The following CNTNAP1 variants were observed in gnomAD, a reference collection of about 807,000 sequenced individuals.
The protein encoded by CNTNAP1 is contactin associated protein 1.
Under a neutral mutation model 161.5 loss-of-function variants are expected in CNTNAP1, and 80 were observed. The observed-to-expected ratio is 0.50, with a 90% CI of 0.41 to 0.60. The LOEUF (loss-of-function observed/expected upper bound fraction) is 0.60. Among genes scored for constraint, CNTNAP1 ranks in the 20% least tolerant of loss-of-function variants. The pLI is 0.00. For missense variants in CNTNAP1, 1,464 were observed against 1,854.8 expected (o/e 0.79, Z 3.87); for synonymous variants, 695 against 733.1 (o/e 0.95, Z 0.84).
In CNTNAP1 at chr17:42,686,955, A is replaced by G. The variant is rs2053024838; in HGVS notation, c.953A>G (p.His318Arg). 6.2e-7 allele frequency: 1 copy of G among 1,613,814 alleles called. No homozygotes were observed. The highest frequency in any genetic ancestry group is 1.3e-5 in the African/African-American group (1 of 74,952). Residue 318 changes from histidine to arginine, a missense_variant, in exon 7 of 24, where the codon CAT becomes CGT. His to Arg is a conservative substitution (Grantham distance 29). This residue lies in a region of CNTNAP1 where 1,383 missense variants were observed against 1,765.0 expected (regional missense o/e 0.78). Coordinates refer to ENST00000264638, the MANE Select transcript of CNTNAP1 (RefSeq NM_003632.3). ...GAARKNLAYR[H>R]NFRGCIENVI... ...GCGCGGAAGAACCTGGCCTATCGGC[A>G]TAACTTCCGCGGCTGCATAGAAAAC...
rs747095886 is a variant in CNTNAP1, at chr17:42,690,242, G to GGA, written c.1855+38_1855+39dup. 222 of 1,612,156 alleles carry GGA rather than the reference G, an allele frequency of 1.4e-4. 2 individuals are homozygous for GGA. Among genetic ancestry groups the GGA allele is most frequent in the Non-Finnish European group, 1.9e-5 (22 of 1,178,730 alleles). ...TCTGTTGGGTGGTGAGGGGGTGAGG[G>GGA]GAGAACCAGGAAGGATAGAGTGGTG... On this transcript the variant is annotated intron_variant, in intron 12 of 23. Transcript: ENST00000264638.
In CNTNAP1 at chr17:42,699,895, A is replaced by ACC. The variant is rs1255238048; in HGVS notation, c.*987_*988dup. 1.3e-5 allele frequency: 2 copies of ACC among 152,750 alleles called. No homozygotes were observed. Among genetic ancestry groups the ACC allele is most frequent in the East Asian group, 3.8e-4 (2 of 5,300 alleles). 9.5% of individuals were successfully genotyped at this position (152,750 alleles called of 1,614,324 possible). On this transcript the variant is annotated 3_prime_UTR_variant, in exon 24 of 24. Coordinates refer to ENST00000264638, the MANE Select transcript of CNTNAP1 (RefSeq NM_003632.3). Reference sequence around the variant, plus strand: ...GGAAGTGTCGTGAGTCCTGCTGGTCACCCACCAGCCTGGTCCGGCCTCCAC... The same window carrying ACC: ...GGAAGTGTCGTGAGTCCTGCTGGTCACCCCCACCAGCCTGGTCCGGCCTCCAC...
chr17:42,692,626 G>A lies in CNTNAP1; in HGVS notation c.2658G>A (p.Gln886=). 1 of 1,614,236 alleles carries A rather than the reference G, an allele frequency of 6.2e-7. No individual in the cohort carries two copies. Among genetic ancestry groups the A allele is most frequent in the Non-Finnish European group, 8.5e-7 (1 of 1,180,044 alleles). The part of the protein sequence containing the change: ...HLVRAEINVK[Q]ARLRVDHRPW... ...TCCGGGCTGAAATCAACGTGAAGCA[G>A]GCCCGGCTCCGAGTGGATCACCGGC... Residue 886 remains glutamine, a synonymous_variant, in exon 17 of 24, where the codon CAG becomes CAA. Coordinates refer to ENST00000264638, the MANE Select transcript of CNTNAP1 (RefSeq NM_003632.3).
Position 42,695,884 on chromosome 17 carries a change from C to T in CNTNAP1, c.3346+10C>T, listed in dbSNP as rs375892529. The T allele has an allele frequency of 5.5e-5, 88 of 1,606,290 alleles. No homozygotes were observed. The highest frequency in any genetic ancestry group is 6.0e-5 in the Non-Finnish European group (70 of 1,174,256). On this transcript the variant is annotated intron_variant, in intron 19 of 23. Transcript: ENST00000264638. ...CTCATCAAGGATGATGGTAAGCTCT[C>T]CCGGGCTCTCTCACCCCACTCCAGC...
intron 18 of CNTNAP1, among the ~76,000 whole-genome samples, chr17:42,693,943 C>T (rs1351268530): frequency 6.6e-6 from 1 of 152,136 alleles, no homozygotes; most frequent in Non-Finnish European, 1.5e-5. Flanking sequence ...CGGCTCACTG[C>T]AACCTCCGCC....
In CNTNAP1 at chr17:42,691,311, C is replaced by T. The variant is rs770847748; in HGVS notation, c.2216+18C>T. 1 of 1,614,066 alleles carries T rather than the reference C, an allele frequency of 6.2e-7. No homozygotes were observed. Among genetic ancestry groups the T allele is most frequent in the South Asian group, 1.1e-5 (1 of 91,078 alleles). On this transcript the variant is annotated intron_variant, in intron 14 of 23. Transcript: ENST00000264638. This position sits in a 1 kb window ranked among gnomAD's most constrained non-coding sequence, Gnocchi z 4.3. ...CCCCAGTGGTGAGGGGGCAAAGGGA[C>T]AGGGTTTTTAGGACTCCGGGAGTGG...
At chr17:42,682,997 C>T in intron 1 of CNTNAP1, 101 bp downstream of exon 1, 1 of 1,124,490 alleles carries the variant, frequency 8.9e-7, no homozygotes, top group South Asian at 1.5e-5. Flanking sequence ...CGGGTCCTTC[C>T]CGGCCGGCGC....
chr17:42,698,015 C>G, intron 23 of CNTNAP1, 65 bp downstream of exon 23: 1 of 1,574,698 alleles, frequency 6.4e-7, no homozygotes, highest in Non-Finnish European at 8.7e-7. Flanking sequence ...CATCCTTTCC[C>G]TGCCCCTGAT....
intron 18 of CNTNAP1, among the ~76,000 whole-genome samples, chr17:42,693,986 G>A (rs913103953): frequency 5.3e-5 from 8 of 149,710 alleles, no homozygotes; most frequent in Admixed American, 1.3e-4. Context: ...TCAGCCTCCC[G>A]AGTAGCTAGG....
In CNTNAP1 at chr17:42,691,809, A is replaced by T. The variant is rs2053089588; in HGVS notation, c.2348A>T (p.Asn783Ile). 4 of 1,613,618 alleles carry T rather than the reference A, an allele frequency of 2.5e-6. No individual in the cohort carries two copies. The highest frequency in any genetic ancestry group is 3.4e-6 in the Non-Finnish European group (4 of 1,179,808). The change falls in exon 16 of 24, where the codon AAT becomes ATT. Residue 783 changes from asparagine (N) to isoleucine (I), a missense_variant. Asn to Ile is a moderately radical substitution (Grantham distance 149). This residue lies in a region of CNTNAP1 where 1,383 missense variants were observed against 1,765.0 expected (regional missense o/e 0.78). Transcript: ENST00000264638. The surrounding 1 kb of genome is among the most constrained non-coding windows in gnomAD (Gnocchi z 4.3). ...LRPLRCYGDR[N>I]SWNTISFHTG... ...CTTCCTCCATCTGCTTTTCTAGGAA[A>T]TTCCTGGAACACCATTTCCTTCCAC...
intron 3 of CNTNAP1, 127 bp downstream of exon 3, chr17:42,684,356 C>T (rs6503718): frequency 3.6e-6 from 3 of 824,408 alleles, no homozygotes; most frequent in East Asian, 2.5e-5. Flanking sequence ...AGTGACTCCA[C>T]TCCAGGGACT....
rs2053106795 is a variant in CNTNAP1 at position 42,692,849 on chromosome 17, T to C, written c.2752+129T>C. The stretch of plus-strand genomic sequence containing the variant: ...CTCTGCTTCAGAGCAAGCCAGTGTC[T>C]CACTTGTCCCTCCAGGCCTTTGTAT... On this transcript the variant is annotated intron_variant, in intron 17 of 23. Coordinates refer to ENST00000264638, the MANE Select transcript of CNTNAP1 (RefSeq NM_003632.3). The C allele has an allele frequency of 5.2e-6, 4 of 767,530 alleles. No homozygotes were observed. The African/African-American group carries it at 7.0e-5, about 13-fold the overall frequency. 47.5% of individuals were successfully genotyped at this position (767,530 alleles called of 1,614,324 possible).
chr17:42,695,707 C>T lies in CNTNAP1; in HGVS notation c.3179C>T (p.Pro1060Leu). 6.2e-7 allele frequency: 1 copy of T among 1,614,172 alleles called. No homozygotes were observed. The change falls in exon 19 of 24, where the codon CCC becomes CTC. Residue 1060 changes from proline (P) to leucine (L), a missense_variant. By Grantham distance (98) the Pro-to-Leu change is moderately conservative (BLOSUM62 -3). Around this residue, in one of 3 missense-constraint regions of CNTNAP1, gnomAD observed 1,383 missense variants for 1,765.0 expected, o/e 0.78. Transcript: ENST00000264638. The part of the protein sequence containing the change: ...PGYHGPGYRL[P>L]DYPRPGRPVP... ...TACCATGGCCCCGGGTACCGCCTGC[C>T]CGACTACCCCCGGCCTGGTCGGCCT...
Position 42,687,936 on chromosome 17 carries a change from G to C in CNTNAP1, c.1261G>C (p.Val421Leu). 1 of 1,614,200 alleles carries C rather than the reference G, an allele frequency of 6.2e-7. No individual in the cohort carries two copies. Among genetic ancestry groups the C allele is most frequent in the Non-Finnish European group, 8.5e-7 (1 of 1,180,050 alleles). The stretch of plus-strand genomic sequence containing the variant: ...GACGCTCAGCGAAGGGCAGGTCAAC[G>C]TGTCCATCGCGCAGAGCGGCCGAAA... ...ELTLSEGQVN[V>L]SIAQSGRKKL... The change falls in exon 8 of 24, where the codon GTG (valine) becomes CTG (leucine). Residue 421 changes from valine (V) to leucine (L), a missense_variant. This residue lies in a region of CNTNAP1 where 1,383 missense variants were observed against 1,765.0 expected (regional missense o/e 0.78). Transcript: ENST00000264638. The surrounding 1 kb of genome is among the most constrained non-coding windows in gnomAD (Gnocchi z 4.7).
At chr17:42,688,006 A>C in intron 8 of CNTNAP1, 25 bp downstream of exon 8, 1 of 1,606,404 alleles carries the variant, frequency 6.2e-7, no homozygotes, top group South Asian at 1.1e-5. Context: ...GGGGAGGCAC[A>C]AGAAGAGAAG....
chr17:42,698,792 C>T lies in CNTNAP1; in HGVS notation c.4037C>T (p.Thr1346Ile), dbSNP rs758052419. ...GGCCCTGCCCAGGTCCCCACCCCTACAGCAGCTCCCAACCAAGCTCCAGCC... is the reference window on the plus strand; with the variant it reads ...GGCCCTGCCCAGGTCCCCACCCCTATAGCAGCTCCCAACCAAGCTCCAGCC... ...TSGPAQVPTP[T>I]AAPNQAPASA... Residue 1346 changes from threonine (T) to isoleucine (I), a missense_variant, in exon 24 of 24, where the codon ACA becomes ATA. Physicochemically the swap from Thr to Ile is moderately conservative, Grantham distance 89 (BLOSUM62 -1). Coordinates refer to ENST00000264638, the MANE Select transcript of CNTNAP1 (RefSeq NM_003632.3). 6.2e-7 allele frequency: 1 copy of T among 1,610,808 alleles called. No homozygotes were observed. Among genetic ancestry groups the T allele is most frequent in the East Asian group, 2.2e-5 (1 of 44,856 alleles).
intron 10 of CNTNAP1, 104 bp downstream of exon 10, chr17:42,689,151 C>A: frequency 1.7e-6 from 2 of 1,163,686 alleles, no homozygotes; most frequent in Non-Finnish European, 1.2e-6. Context: ...CTTGTCTCTG[C>A]TCCTTAGTCC....
rs985902890 is a variant in CNTNAP1, at chr17:42,691,712, C to G, written c.2345-94C>G. On this transcript the variant is annotated intron_variant, in intron 15 of 23. Transcript: ENST00000264638. This position sits in a 1 kb window ranked among gnomAD's most constrained non-coding sequence, Gnocchi z 4.3. ...CCCTCCGTCACCTCAAACCCTCCCC[C>G]TTTGCCCAACCTTCCCTGCCCCCAA... is the stretch of plus-strand genomic sequence containing the variant. 7.7e-6 allele frequency: 11 copies of G among 1,431,540 alleles called. No individual in the cohort carries two copies. In the East Asian group the frequency reaches 2.1e-4, roughly 27 times the overall value. The allele number at this position is 1,431,540 out of a possible 1,614,324, so 88.7% of individuals were successfully genotyped here.
rs779189197 is a variant in CNTNAP1, at chr17:42,683,803, T to C, written c.68-18T>C. 1 of 1,567,802 alleles carries C rather than the reference T, an allele frequency of 6.4e-7. No homozygotes were observed. Among genetic ancestry groups the C allele is most frequent in the Non-Finnish European group, 8.7e-7 (1 of 1,145,196 alleles). ...GGGAGGGGCCAGCGCTGACTAACAGTCGGTTTCCCTACCCTAGACGGCTGC... is the reference window on the plus strand; with the variant it reads ...GGGAGGGGCCAGCGCTGACTAACAGCCGGTTTCCCTACCCTAGACGGCTGC... On this transcript the variant is annotated intron_variant, in intron 1 of 23. Transcript: ENST00000264638.
Sources: gnomAD v4.1 joint callset for allele counts (sites outside exome capture counted in the v4.1 genomes callset) on GRCh38, gnomAD v4.1.1 for gene constraint, gnomAD v4.1.1 regional missense constraint, Gnocchi (gnomAD v3.1) non-coding constraint, MANE v1.5 for transcripts, NCBI Gene and HGNC (gene_info 2026-07-23, HGNC 2026-07-21) for gene names.